Variants in ACSM6 observed in about 807,000 individuals in gnomAD.
ACSM6 encodes acyl-coenzyme A synthetase ACSM6, mitochondrial.
A neutral mutation model predicts 51.1 loss-of-function variants in ACSM6; 35 were observed. The ratio of observed to expected loss-of-function variants is 0.69; its 90% CI spans 0.52 to 0.91. The LOEUF (loss-of-function observed/expected upper bound fraction) is 0.91, where lower values mean the gene tolerates loss of function less well. Ranked by LOEUF, ACSM6 falls within the 40% of genes least tolerant of loss-of-function variation. ACSM6 has a pLI of 0.00. For synonymous variants in ACSM6, 172 were observed against 207.3 expected (o/e 0.83, Z 1.46); for missense variants, 509 against 584.1 (o/e 0.87, Z 1.32).
At chr10:95,214,387 AT>A (rs2034923446) in intron 7 of ACSM6, among the ~76,000 whole-genome samples, 1 of 105,116 alleles carries the variant, frequency 9.5e-6, no homozygotes, top group African/African-American at 3.5e-5. Context: ...CTACTATTCT[AT>A]TGTTGGGGCG....
At chr10:95,200,994 C>T (rs1454746646) in intron 2 of ACSM6, among the ~76,000 whole-genome samples, 5 of 152,188 alleles carry the variant, frequency 3.3e-5, no homozygotes, top group Admixed American at 6.5e-5. Context: ...TTCTAGGTAA[C>T]TTCATCCATG....
At chr10:95,206,543 T>C (rs2034840415) in intron 3 of ACSM6, among the ~76,000 whole-genome samples, 1 of 152,166 alleles carries the variant, frequency 6.6e-6, no homozygotes, top group South Asian at 2.1e-4. Context: ...AAGCAGATCC[T>C]TTTCCAAAAA....
intron 2 of ACSM6, 39 bp from the exon 3 acceptor site, chr10:95,201,946 G>T: frequency 1.3e-6 from 2 of 1,528,942 alleles, no homozygotes; most frequent in Non-Finnish European, 1.8e-6. Flanking sequence ...CAATGTCCAT[G>T]CTGACTAATA....
intron 4 of ACSM6, among the ~76,000 whole-genome samples, chr10:95,209,827 A>T: frequency 6.6e-6 from 1 of 151,730 alleles, no homozygotes; most frequent in Non-Finnish European, 1.5e-5. Context: ...AATTTTTTTT[A>T]ATTAAAAAAA....
At chr10:95,201,824 A>C (rs2034796728) in intron 2 of ACSM6, among the ~76,000 whole-genome samples, 161 bp from the exon 3 acceptor site, 2 of 152,142 alleles carry the variant, frequency 1.3e-5, no homozygotes, top group South Asian at 4.1e-4. Flanking sequence ...AGTAAACAGT[A>C]AATATTTCTG....
In ACSM6 at chr10:95,210,795, T is replaced by C; in HGVS notation, c.755+2T>C. The C allele has an allele frequency of 1.2e-6, 2 of 1,613,376 alleles. No homozygotes were observed. The highest frequency in any genetic ancestry group is 1.7e-6 in the Non-Finnish European group (2 of 1,179,536). On this transcript the variant is annotated splice_donor_variant, in intron 5 of 10. Coordinates refer to ENST00000341686, the Ensembl canonical transcript of ACSM6. LOFTEE classifies it high-confidence loss of function. Reference sequence around the variant, plus strand: ...AATGGGATTCAGCCAGGCTTCCAGGTACGGTTCTCGCACAGCCTGTACAGG... The same window carrying C: ...AATGGGATTCAGCCAGGCTTCCAGGCACGGTTCTCGCACAGCCTGTACAGG...
rs148909761 is a variant in ACSM6, at chr10:95,221,367, A to G, written c.1200+1396A>G. Reference sequence around the variant, plus strand: ...TTTCGGAGGCCGAGGCCAGTGGATCACTTGAGGTCAAGAGTTCAAGACCAT... The same window carrying G: ...TTTCGGAGGCCGAGGCCAGTGGATCGCTTGAGGTCAAGAGTTCAAGACCAT... On this transcript the variant is annotated intron_variant, in intron 9 of 10. Coordinates refer to ENST00000341686, the Ensembl canonical transcript of ACSM6. Among the ~76,000 whole-genome samples, 419 of 152,298 alleles carry G rather than the reference A, an allele frequency of 2.8e-3. 3 individuals are homozygous for G. The highest frequency in any genetic ancestry group is 9.6e-3 in the African/African-American group (399 of 41,558).
chr10:95,227,179 G>GT (rs2035047397), intron 10 of ACSM6, among the ~76,000 whole-genome samples: 1 of 151,964 alleles, frequency 6.6e-6, no homozygotes, highest in South Asian at 2.1e-4. Flanking sequence ...TAGAAACAGG[G>GT]TTTTACCATG....
chr10:95,198,866 T>C (rs1315839353), intron 2 of ACSM6, among the ~76,000 whole-genome samples: 1 of 152,166 alleles, frequency 6.6e-6, no homozygotes, highest in Non-Finnish European at 1.5e-5. Flanking sequence ...AGAAACTCTA[T>C]GGAAGAACAT....
intron 3 of ACSM6, among the ~76,000 whole-genome samples, chr10:95,206,320 T>C (rs541327003): frequency 2.6e-5 from 4 of 152,240 alleles, no homozygotes; most frequent in Non-Finnish European, 4.4e-5. Flanking sequence ...TGTTATAGCA[T>C]GTGTCAGTAC....
intron 2 of ACSM6, among the ~76,000 whole-genome samples, chr10:95,197,748 T>C (rs1330792809): frequency 6.6e-6 from 1 of 151,838 alleles, no homozygotes; most frequent in East Asian, 1.9e-4. Flanking sequence ...CCTCTTTTAC[T>C]AATCCACCTC....
intron 8 of ACSM6, among the ~76,000 whole-genome samples, chr10:95,216,750 G>A (rs2034948875): frequency 6.6e-6 from 1 of 152,118 alleles, no homozygotes. Context: ...TCCCATGGAA[G>A]AGCCAGGTCT....
At chr10:95,210,829 T>C (rs1217447583) in intron 5 of ACSM6, 36 bp downstream of exon 5, 1 of 1,591,576 alleles carries the variant, frequency 6.3e-7, no homozygotes, top group Admixed American at 1.8e-5. Context: ...GGCCTGAAAG[T>C]TGTTCTCTTG....
At chr10:95,203,857 T>TAAAAAAAAAAAAAAAAAAAAAAAAA (rs34969526) in intron 3 of ACSM6, among the ~76,000 whole-genome samples, 1 of 106,870 alleles carries the variant, frequency 9.4e-6, no homozygotes, top group Non-Finnish European at 1.9e-5. Flanking sequence ...ATGCTAGATT[T>TAAAAAAAAAAAAAAAAAAAAAAAAA]AAAAAAAAAA....
chr10:95,219,749 A>AT (rs1010403224), intron 8 of ACSM6, 142 bp from the exon 9 acceptor site: 293 of 583,714 alleles, frequency 5.0e-4, no homozygotes, highest in South Asian at 7.3e-4. Flanking sequence ...CTCCTGCTTG[A>AT]TTTTTTTTTA....
intron 2 of ACSM6, chr10:95,201,777 C>T (rs953590116): frequency 1.7e-6 from 1 of 596,526 alleles, no homozygotes. Flanking sequence ...AGGCTCATGC[C>T]TGACATTATG....
chr10:95,204,030 C>G (rs541583333), intron 3 of ACSM6, among the ~76,000 whole-genome samples: 1 of 152,202 alleles, frequency 6.6e-6, no homozygotes, highest in South Asian at 2.1e-4. Context: ...CTGAGTTATC[C>G]TGAGGGACAA....
chr10:95,203,173 G>C (rs866680635), intron 3 of ACSM6, among the ~76,000 whole-genome samples: 1 of 152,074 alleles, frequency 6.6e-6, no homozygotes, highest in Middle Eastern at 3.4e-3. Flanking sequence ...ATCCTATTGT[G>C]AACTGTGCAT....
At chr10:95,209,896 T>C (rs926578726) in intron 4 of ACSM6, among the ~76,000 whole-genome samples, 4 of 152,136 alleles carry the variant, frequency 2.6e-5, no homozygotes, top group African/African-American at 9.7e-5. Flanking sequence ...TAAAGTTTTA[T>C]TGGAACCAGG....
Sources: gnomAD v4.1 joint callset for allele counts (sites outside exome capture counted in the v4.1 genomes callset) on GRCh38, gnomAD v4.1.1 for gene constraint, MANE v1.5 for transcripts, NCBI Gene and HGNC (gene_info 2026-07-23, HGNC 2026-07-21) for gene names.